Variants in ST6GALNAC5 observed in about 807,000 individuals in gnomAD.
ST6GALNAC5 encodes the protein ST6 N-acetylgalactosaminide alpha-2,6-sialyltransferase 5.
Under a neutral mutation model 33.6 loss-of-function variants are expected in ST6GALNAC5, and 27 were observed. That is an observed-to-expected ratio of 0.80 (90% CI 0.59 to 1.11). The LOEUF is 1.11. Among genes scored for constraint, ST6GALNAC5 ranks in the 50% least tolerant of loss-of-function variants. The pLI is 0.00. For missense variants in ST6GALNAC5, 428 were observed against 454.0 expected (o/e 0.94, Z 0.52); for synonymous variants, 194 against 171.2 (o/e 1.13, Z -1.04).
intron 2 of ST6GALNAC5, among the ~76,000 whole-genome samples, chr1:77,037,728 A>G (rs1204052417): frequency 6.6e-6 from 1 of 152,164 alleles, no homozygotes; most frequent in Admixed American, 6.5e-5. Flanking sequence ...ATAGAATAAA[A>G]GAAGTGAACT....
intron 2 of ST6GALNAC5, among the ~76,000 whole-genome samples, chr1:76,907,172 G>A (rs958501492): frequency 7.2e-5 from 11 of 152,058 alleles, no homozygotes; most frequent in African/African-American, 2.7e-4. Flanking sequence ...CACCACGAGA[G>A]GGATCCAAGA....
intron 2 of ST6GALNAC5, among the ~76,000 whole-genome samples, chr1:76,988,793 A>AT (rs1402217782): frequency 5.3e-5 from 8 of 151,618 alleles, no homozygotes; most frequent in African/African-American, 1.9e-4. Context: ...ACTGTTAAAT[A>AT]TATAGTCTCC....
chr1:77,051,469 C>T (rs539343900), intron 4 of ST6GALNAC5, among the ~76,000 whole-genome samples: 2 of 152,270 alleles, frequency 1.3e-5, no homozygotes, highest in African/African-American at 4.8e-5. Flanking sequence ...TGGTCACTTA[C>T]CCACCTAGTA....
At chr1:77,021,742 T>A (rs929328858) in intron 2 of ST6GALNAC5, among the ~76,000 whole-genome samples, 1 of 152,238 alleles carries the variant, frequency 6.6e-6, no homozygotes, top group Admixed American at 6.5e-5. Flanking sequence ...TAGGTTATCA[T>A]TGGATCCCAT....
intron 2 of ST6GALNAC5, among the ~76,000 whole-genome samples, chr1:77,003,762 G>T (rs1348488622): frequency 6.6e-6 from 1 of 150,838 alleles, no homozygotes; most frequent in African/African-American, 2.4e-5. Context: ...GCTTAGTTTG[G>T]CTGGATATGA....
chr1:76,904,755 G>A (rs1646849668), intron 2 of ST6GALNAC5, among the ~76,000 whole-genome samples: 1 of 152,074 alleles, frequency 6.6e-6, no homozygotes, highest in African/African-American at 2.4e-5. Flanking sequence ...AACCTGGGAG[G>A]CAGAGGTTGC....
intron 2 of ST6GALNAC5, among the ~76,000 whole-genome samples, chr1:76,904,998 T>C (rs932068057): frequency 1.3e-5 from 2 of 152,158 alleles, no homozygotes; most frequent in Admixed American, 1.3e-4. Flanking sequence ...GTGTTGACAG[T>C]GTTCTGTTTC....
intron 2 of ST6GALNAC5, among the ~76,000 whole-genome samples, chr1:76,880,501 C>T (rs1653755049): frequency 6.6e-6 from 1 of 152,148 alleles, no homozygotes; most frequent in Non-Finnish European, 1.5e-5. Context: ...CTTACACAAT[C>T]ACAGGTTCCA....
Position 77,065,996 on chromosome 1 carries a change from A to T in ST6GALNAC5, c.*2790A>T, listed in dbSNP as rs1341127469. On this transcript the variant is annotated 3_prime_UTR_variant, in exon 5 of 5. Transcript: ENST00000477717. ...CAAAATCAATCACTTCAAATGGCCC[A>T]TAAAAGGAGGAATCTCAGATTTAAT... is the stretch of plus-strand genomic sequence containing the variant. 6.6e-6 allele frequency among the ~76,000 whole-genome samples: 1 copy of T among 152,242 alleles called. No individual in the cohort carries two copies. The highest frequency in any genetic ancestry group is 2.4e-5 in the African/African-American group (1 of 41,456).
chr1:76,946,127 C>T (rs534550116), intron 2 of ST6GALNAC5, among the ~76,000 whole-genome samples: 7 of 151,962 alleles, frequency 4.6e-5, no homozygotes, highest in African/African-American at 1.4e-4. Flanking sequence ...ACTTAGGTGG[C>T]CTAAACAAAA....
chr1:76,881,967 G>A (rs937481923), intron 2 of ST6GALNAC5, among the ~76,000 whole-genome samples: 4 of 152,182 alleles, frequency 2.6e-5, no homozygotes, highest in Admixed American at 1.3e-4. Flanking sequence ...TCTCTGATGT[G>A]AACATCATTA....
At chr1:77,010,261 G>T (rs558648170) in intron 2 of ST6GALNAC5, among the ~76,000 whole-genome samples, 1 of 152,160 alleles carries the variant, frequency 6.6e-6, no homozygotes, top group Admixed American at 6.5e-5. Flanking sequence ...TTGGGAGGCC[G>T]AGGCGGGCAG....
intron 2 of ST6GALNAC5, among the ~76,000 whole-genome samples, chr1:77,000,940 T>C (rs1175482278): frequency 6.6e-6 from 1 of 151,884 alleles, no homozygotes; most frequent in African/African-American, 2.4e-5. Context: ...CCTCCAGCTT[T>C]GTTCTTTTGG....
chr1:76,997,945 A>G (rs141244015), intron 2 of ST6GALNAC5, among the ~76,000 whole-genome samples: 101 of 152,234 alleles, frequency 6.6e-4, no homozygotes, highest in African/African-American at 1.7e-3. Context: ...AGTTTCCTCT[A>G]TGCTGTTCTC....
intron 2 of ST6GALNAC5, among the ~76,000 whole-genome samples, chr1:76,878,673 G>T (rs539971065): frequency 2.0e-5 from 3 of 152,184 alleles, no homozygotes; most frequent in East Asian, 3.9e-4. Flanking sequence ...AGGCGTTCTG[G>T]GTCTGTAAAC....
intron 2 of ST6GALNAC5, among the ~76,000 whole-genome samples, chr1:76,913,183 A>T (rs1646931920): frequency 6.6e-6 from 1 of 151,312 alleles, no homozygotes. Flanking sequence ...TATGAAGCTT[A>T]GTTTGGCTGG....
At chr1:76,980,675 A>G (rs1337353148) in intron 2 of ST6GALNAC5, among the ~76,000 whole-genome samples, 1 of 152,224 alleles carries the variant, frequency 6.6e-6, no homozygotes, top group African/African-American at 2.4e-5. Context: ...CCATATGAAA[A>G]GAAGGGAATG....
chr1:77,054,624 C>A lies in ST6GALNAC5; in HGVS notation c.779+4259C>A, dbSNP rs1346928407. On this transcript the variant is annotated intron_variant, in intron 4 of 4. Coordinates refer to ENST00000477717, the MANE Select transcript of ST6GALNAC5 (RefSeq NM_030965.3). ...TAGGCATGGTGTGAGGGAGCAGAGG[C>A]AGTGGGGCAGAGAGAGAAGGGCTAA... Among the ~76,000 whole-genome samples, 7 of 152,168 alleles carry A rather than the reference C, an allele frequency of 4.6e-5. No individual in the cohort carries two copies. The South Asian group carries it at 1.2e-3, about 27-fold the overall frequency.
At chr1:76,912,948 T>A (rs891472952) in intron 2 of ST6GALNAC5, among the ~76,000 whole-genome samples, 1 of 151,678 alleles carries the variant, frequency 6.6e-6, no homozygotes, top group African/African-American at 2.4e-5. Context: ...TGTGTGAATT[T>A]GATCCTGTCA....
Sources: allele counts gnomAD v4.1 joint callset (sites outside exome capture counted in the v4.1 genomes callset), GRCh38; gene constraint gnomAD v4.1.1; transcripts MANE v1.5; gene names NCBI Gene and HGNC (gene_info 2026-07-23, HGNC 2026-07-21).